The following FRMD5 variants were observed in gnomAD, a reference collection of about 807,000 sequenced individuals.
FRMD5 encodes the protein FERM domain-containing protein 5.
A neutral mutation model predicts 69.0 loss-of-function variants in FRMD5; 20 were observed. The observed-to-expected ratio is 0.29, with a 90% CI of 0.20 to 0.42. The LOEUF (loss-of-function observed/expected upper bound fraction) is 0.42, where lower values mean the gene tolerates loss of function less well. Among genes scored for constraint, FRMD5 ranks in the 10% least tolerant of loss-of-function variants. The probability of loss-of-function intolerance (pLI) is 1.00; values close to 1 mark genes in which losing one functional copy is unlikely to be tolerated. For synonymous variants in FRMD5, 271 were observed against 260.1 expected, an observed-to-expected ratio of 1.04 and a Z score of -0.40; for missense variants, 595 against 708.6, an observed-to-expected ratio of 0.84 and a Z score of 1.82.
chr15:44,141,986 G>C (rs1473983533), intron 1 of FRMD5, among the ~76,000 whole-genome samples: 2 of 152,042 alleles, frequency 1.3e-5, no homozygotes, highest in Admixed American at 1.3e-4. Context: ...ATTAAATTAG[G>C]CTTGTTGTCC....
At chr15:43,923,851 C>T (rs2089538535) in intron 2 of FRMD5, among the ~76,000 whole-genome samples, 1 of 152,196 alleles carries the variant, frequency 6.6e-6, no homozygotes. Flanking sequence ...CCTTTCCTAA[C>T]CAGTACAATG....
At chr15:43,962,119 C>G (rs2090212225) in intron 1 of FRMD5, among the ~76,000 whole-genome samples, 1 of 152,178 alleles carries the variant, frequency 6.6e-6, no homozygotes, top group Non-Finnish European at 1.5e-5. Context: ...CAAATTGTCC[C>G]TGTTTGCAGA....
chr15:44,041,693 T>C (rs929669652), intron 1 of FRMD5, among the ~76,000 whole-genome samples: 1 of 152,000 alleles, frequency 6.6e-6, no homozygotes, highest in South Asian at 2.1e-4. Flanking sequence ...GGGTACATAA[T>C]GAAATGAAGG....
At chr15:44,098,298 G>A (rs142143271) in intron 1 of FRMD5, among the ~76,000 whole-genome samples, 5,027 of 152,044 alleles carry the variant, frequency 0.033, 268 homozygotes, top group African/African-American at 0.11. Context: ...AGGCCAAGGC[G>A]GGCAGATCAC....
chr15:44,192,783 A>T (rs990574000), intron 1 of FRMD5, among the ~76,000 whole-genome samples: 1 of 152,244 alleles, frequency 6.6e-6, no homozygotes, highest in Non-Finnish European at 1.5e-5. Flanking sequence ...ACAACATTAC[A>T]TATACTTAAC....
chr15:43,980,779 A>C lies in FRMD5; in HGVS notation c.103-56470T>G, dbSNP rs142946536. On this transcript the variant is annotated intron_variant, in intron 1 of 13. Transcript: ENST00000417257. ...GAAGGAGAATATTTCAGTAAAGTTA[A>C]AGCTGGGCTTATTTTGGCCAGACAC... Among the ~76,000 whole-genome samples, 72 of 152,292 alleles carry C rather than the reference A, an allele frequency of 4.7e-4. No homozygotes were observed. The East Asian group carries it at 8.9e-3, about 19-fold the overall frequency.
chr15:44,106,119 G>A (rs1462831534), intron 1 of FRMD5, among the ~76,000 whole-genome samples: 3 of 151,976 alleles, frequency 2.0e-5, no homozygotes, highest in Admixed American at 6.6e-5. Flanking sequence ...ATGGCTGTAC[G>A]ATGTTTTAAA....
intron 7 of FRMD5, among the ~76,000 whole-genome samples, chr15:43,898,145 A>T (rs1048184267): frequency 6.6e-6 from 1 of 152,196 alleles, no homozygotes; most frequent in Non-Finnish European, 1.5e-5. Flanking sequence ...CAGAATTGGC[A>T]ATGAGTTGTG....
At chr15:44,173,899 G>A (rs920879300) in intron 1 of FRMD5, among the ~76,000 whole-genome samples, 7 of 152,040 alleles carry the variant, frequency 4.6e-5, no homozygotes, top group Non-Finnish European at 1.0e-4. Flanking sequence ...GCACTAAAAT[G>A]TATAAAGTAC....
chr15:44,098,790 G>C (rs1475936236), intron 1 of FRMD5, among the ~76,000 whole-genome samples: 2 of 151,964 alleles, frequency 1.3e-5, no homozygotes, highest in Non-Finnish European at 2.9e-5. Context: ...TCATATATTA[G>C]AATAATTAGA....
chr15:44,060,623 C>T (rs976831748), intron 1 of FRMD5, among the ~76,000 whole-genome samples: 1 of 152,064 alleles, frequency 6.6e-6, no homozygotes, highest in African/African-American at 2.4e-5. Flanking sequence ...TTTTTTTAGT[C>T]CCCAAATGGC....
chr15:44,104,154 G>A (rs1488496686), intron 1 of FRMD5, among the ~76,000 whole-genome samples: 3 of 152,170 alleles, frequency 2.0e-5, no homozygotes, highest in Non-Finnish European at 2.9e-5. Context: ...AGGTTAATGT[G>A]TGTTTGCCTT....
At chr15:43,877,244 A>C (rs1172169013) in intron 13 of FRMD5, among the ~76,000 whole-genome samples, 1 of 152,186 alleles carries the variant, frequency 6.6e-6, no homozygotes, top group East Asian at 1.9e-4. Context: ...TCCCAGACTG[A>C]ACCAGATTCC....
chr15:44,084,426 T>C (rs1216195123), intron 1 of FRMD5, among the ~76,000 whole-genome samples: 2 of 152,084 alleles, frequency 1.3e-5, no homozygotes, highest in East Asian at 1.9e-4. Flanking sequence ...ATACTATTAT[T>C]GTTGGAGAGT....
chr15:43,890,698 A>G (rs1595486657), intron 8 of FRMD5, among the ~76,000 whole-genome samples: 1 of 152,178 alleles, frequency 6.6e-6, no homozygotes, highest in East Asian at 1.9e-4. Context: ...GATGCCTAGG[A>G]AACAGGTATG....
At chr15:44,004,606 A>G in intron 1 of FRMD5, among the ~76,000 whole-genome samples, 1 of 152,266 alleles carries the variant, frequency 6.6e-6, no homozygotes, top group East Asian at 1.9e-4. Context: ...GGCAAACTTA[A>G]CAAATGTTTT....
intron 1 of FRMD5, among the ~76,000 whole-genome samples, chr15:44,180,453 T>A (rs1182091529): frequency 6.6e-6 from 1 of 152,238 alleles, no homozygotes; most frequent in East Asian, 1.9e-4. Context: ...AGAAATATTA[T>A]TTTTAAAGGA....
chr15:44,163,106 G>A (rs2077650291), intron 1 of FRMD5, among the ~76,000 whole-genome samples: 1 of 152,020 alleles, frequency 6.6e-6, no homozygotes, highest in Non-Finnish European at 1.5e-5. Flanking sequence ...CCCGAGAGGC[G>A]GAGCTTGCAG....
intron 13 of FRMD5, among the ~76,000 whole-genome samples, chr15:43,880,178 A>G (rs747115620): frequency 2.0e-4 from 31 of 152,338 alleles, no homozygotes; most frequent in Non-Finnish European, 3.5e-4. Flanking sequence ...TTGCATGGTC[A>G]GCCTAGCTTT....
Sources: gnomAD v4.1 joint callset for allele counts (sites outside exome capture counted in the v4.1 genomes callset) on GRCh38, gnomAD v4.1.1 for gene constraint, MANE v1.5 for transcripts, NCBI Gene and HGNC (gene_info 2026-07-23, HGNC 2026-07-21) for gene names.